SVEP1: variants seen among roughly 807,000 people sequenced by gnomAD.
SVEP1 encodes the protein sushi, von Willebrand factor type A, EGF and pentraxin domain containing 1.
SVEP1 carries 164 observed loss-of-function variants against 367.3 expected under a neutral mutation model. That is an observed-to-expected ratio of 0.45 (90% CI 0.39 to 0.51). The LOEUF (loss-of-function observed/expected upper bound fraction) is 0.51, where lower values mean the gene tolerates loss of function less well. Ranked by LOEUF, SVEP1 falls within the 20% of genes least tolerant of loss-of-function variation. The pLI, the probability that SVEP1 is intolerant of heterozygous loss-of-function variation, is 0.00. For synonymous variants in SVEP1, 1,666 were observed against 1,611.6 expected (o/e 1.03, Z -0.81); for missense variants, 4,117 against 4,425.3 (o/e 0.93, Z 1.98).
chr9:110,432,769 A>G, intron 30 of SVEP1, 134 bp from the exon 31 acceptor site: 2 of 1,007,756 alleles, frequency 2.0e-6, no homozygotes, highest in African/African-American at 1.6e-5. Flanking sequence ...AGGGTGTCCT[A>G]GGGATAGCAG....
rs145376964 is a variant in SVEP1, at chr9:110,499,595, G to A, written c.1484-357C>T. Among the ~76,000 whole-genome samples, 548 of 152,286 alleles carry A rather than the reference G, an allele frequency of 3.6e-3. 2 individuals carry two copies. The highest frequency in any genetic ancestry group is 0.012 in the African/African-American group (509 of 41,558). ...TCATAAATCGAATTCCATATTTCAT[G>A]GATTAAGTGATATATTCAGCAATCT... On this transcript the variant is annotated intron_variant, in intron 6 of 47. Transcript: ENST00000374469.
intron 3 of SVEP1, among the ~76,000 whole-genome samples, chr9:110,517,327 G>GT (rs1370791658): frequency 6.6e-6 from 1 of 152,004 alleles, no homozygotes; most frequent in Non-Finnish European, 1.5e-5. Flanking sequence ...CTGGGCATGG[G>GT]TGGCTCATGC....
At chr9:110,382,449 G>A (rs950271290) in intron 43 of SVEP1, among the ~76,000 whole-genome samples, 10 of 152,070 alleles carry the variant, frequency 6.6e-5, no homozygotes, top group African/African-American at 2.4e-4. Flanking sequence ...TAGTCTGATG[G>A]GCTTCCCTTT....
intron 40 of SVEP1, among the ~76,000 whole-genome samples, chr9:110,399,732 C>T (rs1827827226): frequency 2.0e-5 from 3 of 152,110 alleles, no homozygotes; most frequent in Admixed American, 2.0e-4. Flanking sequence ...CTGGGTCTTA[C>T]TATGTTGCCC....
At chr9:110,445,193 T>C (rs917257815) in intron 26 of SVEP1, among the ~76,000 whole-genome samples, 9 of 152,108 alleles carry the variant, frequency 5.9e-5, no homozygotes, top group African/African-American at 1.9e-4. Flanking sequence ...GACAGCTCAG[T>C]GATAAATAAT....
At position 110,545,665 on chromosome 9, in the gene SVEP1, G is replaced by A. The variant is rs191823100; in HGVS notation, c.964+450C>T. Reference sequence around the variant, plus strand: ...CACATTTTGGTTTACATGCCTAGAGGACAGATTTGGCTGTTTTATTAGACT... The same window carrying A: ...CACATTTTGGTTTACATGCCTAGAGAACAGATTTGGCTGTTTTATTAGACT... On this transcript the variant is annotated intron_variant, in intron 3 of 47. Transcript: ENST00000374469. Among the ~76,000 whole-genome samples the A allele has an allele frequency of 1.2e-4, 18 of 152,144 alleles. No homozygotes were observed. In the East Asian group the frequency reaches 3.5e-3, roughly 29 times the overall value.
chr9:110,566,989 T>C lies in SVEP1; in HGVS notation c.531+12024A>G, dbSNP rs146074191. Among the ~76,000 whole-genome samples the C allele has an allele frequency of 3.3e-5, 5 of 152,330 alleles. No homozygotes were observed. In the East Asian group the frequency reaches 9.6e-4, roughly 29 times the overall value. On this transcript the variant is annotated intron_variant, in intron 1 of 47. Transcript: ENST00000374469. ...AAAGTGATCTGAAGGATGAATTTGC[T>C]AAAATTATCCTATCATTTCAAAAGT...
At chr9:110,451,465 T>A (rs1463098711) in intron 22 of SVEP1, 63 bp from the exon 23 acceptor site, 2 of 1,212,164 alleles carry the variant, frequency 1.6e-6, no homozygotes, top group Admixed American at 4.1e-5. Context: ...ACCAATAGTT[T>A]CCAAGCAAGT....
chr9:110,414,788 A>G (rs1828093113), intron 36 of SVEP1, among the ~76,000 whole-genome samples: 1 of 151,988 alleles, frequency 6.6e-6, no homozygotes, highest in South Asian at 2.1e-4. Context: ...GCAGCCTACT[A>G]GATATTTAAA....
intron 43 of SVEP1, among the ~76,000 whole-genome samples, chr9:110,384,400 G>T (rs1588023318): frequency 6.6e-6 from 1 of 151,812 alleles, no homozygotes; most frequent in African/African-American, 2.4e-5. Flanking sequence ...CTCAGTTGCC[G>T]GTGCAGGATT....
intron 40 of SVEP1, among the ~76,000 whole-genome samples, chr9:110,398,821 C>T (rs1004042548): frequency 2.0e-5 from 3 of 152,108 alleles, no homozygotes; most frequent in African/African-American, 7.2e-5. Context: ...GTTAGAATGG[C>T]AATCATTAAA....
rs535453568 is a variant in SVEP1 at position 110,389,140 on chromosome 9, T to G, written c.9886+384A>C. ...TATTAATATTAATTGATTTGACAGA[T>G]GGACCAACAGCACGTTAAAAGTATT... On this transcript the variant is annotated intron_variant, in intron 41 of 47. Coordinates refer to ENST00000374469, the MANE Select transcript of SVEP1 (RefSeq NM_153366.4). 2.0e-5 allele frequency among the ~76,000 whole-genome samples: 3 copies of G among 152,202 alleles called. No homozygotes were observed. In the South Asian group the frequency reaches 6.2e-4, roughly 32 times the overall value.
chr9:110,575,084 AC>A (rs1311696229), intron 1 of SVEP1, among the ~76,000 whole-genome samples: 1 of 151,806 alleles, frequency 6.6e-6, no homozygotes, highest in African/African-American at 2.4e-5. Flanking sequence ...TCATAGCCCA[AC>A]CAAAATGAGA....
intron 1 of SVEP1, among the ~76,000 whole-genome samples, chr9:110,559,833 A>C (rs1830402194): frequency 6.6e-6 from 1 of 152,214 alleles, no homozygotes. Flanking sequence ...CAAGCACACT[A>C]GTTAAATAAA....
intron 17 of SVEP1, among the ~76,000 whole-genome samples, chr9:110,466,534 G>A (rs1187127519): frequency 1.3e-5 from 2 of 151,766 alleles, no homozygotes; most frequent in Non-Finnish European, 2.9e-5. Flanking sequence ...CGAGGCGGGC[G>A]GATCACGAGG....
intron 8 of SVEP1, among the ~76,000 whole-genome samples, chr9:110,494,834 A>G (rs1324859352): frequency 2.6e-5 from 4 of 151,886 alleles, no homozygotes; most frequent in South Asian, 2.1e-4. Context: ...AAGAAACCCA[A>G]TTATTTACTT....
intron 7 of SVEP1, 142 bp downstream of exon 7, chr9:110,498,899 C>T: frequency 1.8e-6 from 1 of 565,178 alleles, no homozygotes; most frequent in Non-Finnish European, 2.7e-6. Context: ...AACCAGAAAT[C>T]CTCATAGAGG....
chr9:110,395,072 G>A (rs1827734620), intron 40 of SVEP1, among the ~76,000 whole-genome samples: 1 of 152,190 alleles, frequency 6.6e-6, no homozygotes, highest in African/African-American at 2.4e-5. Context: ...AAGTTGAAAT[G>A]AAGGAAAAAC....
chr9:110,437,053 C>T (rs984892097), intron 27 of SVEP1, among the ~76,000 whole-genome samples: 4 of 152,320 alleles, frequency 2.6e-5, no homozygotes, highest in South Asian at 4.1e-4. Context: ...CAGTCTGTGT[C>T]TGCACTGCCA....
Sources: allele counts gnomAD v4.1 joint callset (sites outside exome capture counted in the v4.1 genomes callset), GRCh38; gene constraint gnomAD v4.1.1; transcripts MANE v1.5; gene names NCBI Gene and HGNC (gene_info 2026-07-23, HGNC 2026-07-21).